Variants in DYNC1I1 observed in about 807,000 individuals in gnomAD.
DYNC1I1 encodes cytoplasmic dynein 1 intermediate chain 1.
DYNC1I1 carries 43 observed loss-of-function variants against 86.6 expected under a neutral mutation model. The observed-to-expected ratio is 0.50, with a 90% confidence interval of 0.39 to 0.64. The LOEUF (loss-of-function observed/expected upper bound fraction) is 0.64. Ranked by LOEUF, DYNC1I1 falls within the 30% of genes least tolerant of loss-of-function variation. The pLI, the probability that DYNC1I1 is intolerant of heterozygous loss-of-function variation, is 0.00. For synonymous variants in DYNC1I1, 262 were observed against 283.7 expected (o/e 0.92, Z 0.77); for missense variants, 604 against 788.8 (o/e 0.77, Z 2.81).
chr7:96,011,371 G>A (rs990130287), intron 10 of DYNC1I1, among the ~76,000 whole-genome samples: 1 of 152,120 alleles, frequency 6.6e-6, no homozygotes, highest in African/African-American at 2.4e-5. Context: ...ATAAAGTAGA[G>A]GGGTTTTTTG....
chr7:95,906,185 TG>T (rs1791171554), intron 6 of DYNC1I1, among the ~76,000 whole-genome samples: 1 of 152,218 alleles, frequency 6.6e-6, no homozygotes. Context: ...TTCTCCTTGT[TG>T]TGGTGTAATG....
At chr7:96,075,927 C>A in intron 14 of DYNC1I1, 130 bp from the exon 15 acceptor site, 1 of 1,301,940 alleles carries the variant, frequency 7.7e-7, no homozygotes, top group Non-Finnish European at 1.0e-6. Context: ...TCCGGTTCAC[C>A]TTCTCGAGGA....
intron 16 of DYNC1I1, among the ~76,000 whole-genome samples, chr7:96,084,119 G>C (rs992703355): frequency 4.6e-5 from 7 of 151,994 alleles, no homozygotes; most frequent in African/African-American, 1.7e-4. Flanking sequence ...CCACAAGTGA[G>C]GCTGTCTTGA....
chr7:96,009,201 T>C (rs1455404442), intron 10 of DYNC1I1, among the ~76,000 whole-genome samples: 1 of 152,186 alleles, frequency 6.6e-6, no homozygotes, highest in Non-Finnish European at 1.5e-5. Context: ...TTCTCCCACT[T>C]TTTTCCCGGG....
At chr7:95,881,647 G>C (rs1168790996) in intron 6 of DYNC1I1, among the ~76,000 whole-genome samples, 1 of 152,190 alleles carries the variant, frequency 6.6e-6, no homozygotes, top group East Asian at 1.9e-4. Context: ...TTCACCATGA[G>C]GGTGGCATAC....
At chr7:95,903,493 A>G (rs1791094108) in intron 6 of DYNC1I1, among the ~76,000 whole-genome samples, 1 of 152,208 alleles carries the variant, frequency 6.6e-6, no homozygotes, top group Non-Finnish European at 1.5e-5. Context: ...AGTGAAGAAA[A>G]TAAGTGGAGC....
In DYNC1I1 at chr7:96,016,309, T is replaced by G. The variant is rs528463060; in HGVS notation, c.970-11866T>G. Among the ~76,000 whole-genome samples the G allele has an allele frequency of 2.7e-4, 41 of 152,126 alleles. No individual in the cohort carries two copies. The South Asian group carries it at 5.4e-3, about 20-fold the overall frequency. On this transcript the variant is annotated intron_variant, in intron 10 of 16. Transcript: ENST00000447467. ...CTTAGTAGAACACTTTAGGTTTTTTTTTTTTTTTTTAATGGTCTCTCTATA... is the reference window on the plus strand; with the variant it reads ...CTTAGTAGAACACTTTAGGTTTTTTGTTTTTTTTTTAATGGTCTCTCTATA...
intron 10 of DYNC1I1, among the ~76,000 whole-genome samples, chr7:95,998,976 G>A (rs1793942644): frequency 6.6e-6 from 1 of 152,200 alleles, no homozygotes; most frequent in East Asian, 1.9e-4. Context: ...ATCTTCTACT[G>A]TCACAGGCAG....
intron 15 of DYNC1I1, among the ~76,000 whole-genome samples, chr7:96,077,344 C>G (rs559523170): frequency 4.6e-5 from 7 of 151,694 alleles, no homozygotes; most frequent in Non-Finnish European, 1.0e-4. Context: ...GGTATATACA[C>G]CTATAATTGC....
At chr7:96,041,920 T>C (rs1238898984) in intron 14 of DYNC1I1, among the ~76,000 whole-genome samples, 1 of 152,120 alleles carries the variant, frequency 6.6e-6, no homozygotes, top group Non-Finnish European at 1.5e-5. Context: ...GAAAATGAAA[T>C]AAATTTAAAA....
chr7:95,810,744 A>G (rs886743576), intron 3 of DYNC1I1, among the ~76,000 whole-genome samples: 2 of 152,124 alleles, frequency 1.3e-5, no homozygotes, highest in Non-Finnish European at 2.9e-5. Context: ...TAGATGGTCA[A>G]CCTTCTCCAC....
chr7:96,049,127 G>A (rs1181186460), intron 14 of DYNC1I1, among the ~76,000 whole-genome samples: 2 of 151,674 alleles, frequency 1.3e-5, no homozygotes, highest in Non-Finnish European at 2.9e-5. Flanking sequence ...GCATGGTGGC[G>A]GGTGCCTGTA....
chr7:95,932,156 G>A (rs1196603077), intron 6 of DYNC1I1, among the ~76,000 whole-genome samples: 1 of 152,066 alleles, frequency 6.6e-6, no homozygotes, highest in Admixed American at 6.5e-5. Flanking sequence ...ATTGTCCATA[G>A]CAGGATAAAG....
At chr7:96,037,060 G>A (rs1195522370) in intron 13 of DYNC1I1, among the ~76,000 whole-genome samples, 1 of 152,020 alleles carries the variant, frequency 6.6e-6, no homozygotes, top group Admixed American at 6.6e-5. Context: ...GTGTTTTTGT[G>A]ATTTGTAGAA....
At chr7:96,110,197 A>T (rs1294186957), downstream of DYNC1I1, 1 of 329,532 alleles carries the variant, frequency 3.0e-6, no homozygotes, top group East Asian at 1.1e-4. Flanking sequence ...TTCTGTATCC[A>T]AAGCTTTGTT....
At chr7:95,778,719 TG>T (rs1260965580) in intron 1 of DYNC1I1, among the ~76,000 whole-genome samples, 1 of 152,140 alleles carries the variant, frequency 6.6e-6, no homozygotes, top group African/African-American at 2.4e-5. Flanking sequence ...TGGAGAGCAG[TG>T]GCATGATCAT....
At chr7:95,878,855 G>T (rs1790375791) in intron 6 of DYNC1I1, among the ~76,000 whole-genome samples, 1 of 150,758 alleles carries the variant, frequency 6.6e-6, no homozygotes, top group Non-Finnish European at 1.5e-5. Flanking sequence ...TCACTTACAA[G>T]AGAACCTCAA....
At chr7:95,908,008 G>A (rs1791221037) in intron 6 of DYNC1I1, among the ~76,000 whole-genome samples, 1 of 152,038 alleles carries the variant, frequency 6.6e-6, no homozygotes, top group African/African-American at 2.4e-5. Flanking sequence ...TGTTAACTAT[G>A]TTTTATTTAC....
chr7:95,976,441 A>T (rs572466684), intron 6 of DYNC1I1, among the ~76,000 whole-genome samples: 2 of 152,202 alleles, frequency 1.3e-5, no homozygotes, highest in Non-Finnish European at 2.9e-5. Context: ...TTAAGTGTGC[A>T]TTTATAATGT....
Sources: gnomAD v4.1 joint callset for allele counts (sites outside exome capture counted in the v4.1 genomes callset) on GRCh38, gnomAD v4.1.1 for gene constraint, MANE v1.5 for transcripts, NCBI Gene and HGNC (gene_info 2026-07-23, HGNC 2026-07-21) for gene names.